SYNJ1: variants seen among roughly 807,000 people sequenced by gnomAD.
SYNJ1 encodes the protein polyphosphatidylinositol phosphatase SYNJ1.
A neutral mutation model predicts 168.2 loss-of-function variants in SYNJ1; 78 were observed. The observed-to-expected ratio is 0.46, with a 90% CI of 0.39 to 0.56. The LOEUF (loss-of-function observed/expected upper bound fraction) is 0.56, where lower values mean the gene tolerates loss of function less well. SYNJ1 is among the 20% of genes least tolerant of loss of function. The probability of loss-of-function intolerance (pLI) is 0.00; values close to 1 mark genes in which losing one functional copy is unlikely to be tolerated. For missense variants in SYNJ1, 1,303 were observed against 1,597.6 expected, an observed-to-expected ratio of 0.82 and a Z score of 3.14; for synonymous variants, 539 against 548.6, an observed-to-expected ratio of 0.98 and a Z score of 0.24.
At chr21:32,724,152 A>G (rs1318526129) in intron 2 of SYNJ1, among the ~76,000 whole-genome samples, 3 of 152,166 alleles carry the variant, frequency 2.0e-5, no homozygotes, top group Non-Finnish European at 4.4e-5. Context: ...GTACAAACTT[A>G]ATCTTGGTGA....
At chr21:32,714,681 G>A (rs1369294689) in intron 2 of SYNJ1, among the ~76,000 whole-genome samples, 1 of 152,182 alleles carries the variant, frequency 6.6e-6, no homozygotes, top group Admixed American at 6.5e-5. Flanking sequence ...AGGATATGCA[G>A]TGGTTGGTAA....
intron 11 of SYNJ1, 103 bp downstream of exon 11, chr21:32,681,393 T>A: frequency 7.6e-7 from 1 of 1,307,454 alleles, no homozygotes. Context: ...AAGACACATC[T>A]ATTAATTTAA....
rs2042332585 is a variant in SYNJ1, at chr21:32,699,748, C to G, written c.479+90G>C. On this transcript the variant is annotated intron_variant, in intron 4 of 32. Transcript: ENST00000674351. Reference sequence around the variant, plus strand: ...GGGTCTTCAGGGTTCTTCCTCCTTTCTTGCTGTCACGGTGAGGAGGTTTTT... The same window carrying G: ...GGGTCTTCAGGGTTCTTCCTCCTTTGTTGCTGTCACGGTGAGGAGGTTTTT... 2.6e-5 allele frequency: 39 copies of G among 1,484,472 alleles called. 1 individual carries two copies. In the South Asian group the frequency reaches 5.0e-4, roughly 19 times the overall value. 92.0% of individuals were successfully genotyped at this position (1,484,472 alleles called of 1,614,324 possible). A position where few individuals can be genotyped will look rare whatever the true frequency, so the allele number is the denominator to read the frequency against.
chr21:32,629,804 G>A lies in SYNJ1; in HGVS notation c.*2001C>T, dbSNP rs565303607. The stretch of plus-strand genomic sequence containing the variant: ...GTACTTCTTCAAAAAATTAATAAAA[G>A]CGGGATCAGTTGCATATTGGCAGTG... On this transcript the variant is annotated 3_prime_UTR_variant, in exon 33 of 33. Transcript: ENST00000674351. 2.6e-5 allele frequency: 4 copies of A among 152,574 alleles called. No homozygotes were observed. Among genetic ancestry groups the A allele is most frequent in the Admixed American group, 2.6e-4 (4 of 15,294 alleles). 9.5% of individuals were successfully genotyped at this position (152,574 alleles called of 1,614,324 possible). A position where few individuals can be genotyped will look rare whatever the true frequency, so the allele number is the denominator to read the frequency against.
At chr21:32,728,099 G>C, upstream of SYNJ1, 2 of 1,500,924 alleles carry the variant, frequency 1.3e-6, no homozygotes, top group Non-Finnish European at 1.8e-6. Flanking sequence ...GGGGCATCAG[G>C]AGGGAGACCA....
At chr21:32,687,275 G>C (rs928099940) in intron 7 of SYNJ1, among the ~76,000 whole-genome samples, 11 of 152,184 alleles carry the variant, frequency 7.2e-5, no homozygotes, top group African/African-American at 2.2e-4. Flanking sequence ...TGACTTATGG[G>C]TACTGAGACT....
intron 23 of SYNJ1, among the ~76,000 whole-genome samples, chr21:32,649,520 C>T (rs928230407): frequency 2.6e-5 from 4 of 152,128 alleles, no homozygotes; most frequent in African/African-American, 9.7e-5. Context: ...AAATTTTCGG[C>T]GTAATTACTT....
chr21:32,685,939 T>G, intron 8 of SYNJ1, 22 bp from the exon 9 acceptor site: 1 of 1,597,722 alleles, frequency 6.3e-7, no homozygotes, highest in Non-Finnish European at 8.5e-7. Flanking sequence ...AAGGCAAATA[T>G]TCATCTAAAT....
intron 27 of SYNJ1, among the ~76,000 whole-genome samples, chr21:32,642,496 T>TA (rs2039886056): frequency 6.6e-6 from 1 of 152,168 alleles, no homozygotes; most frequent in Non-Finnish European, 1.5e-5. Flanking sequence ...TGCTGCCCCT[T>TA]AGAGTCTGGC....
chr21:32,636,163 G>A (rs1384970783), intron 31 of SYNJ1, among the ~76,000 whole-genome samples: 1 of 152,116 alleles, frequency 6.6e-6, no homozygotes, highest in Non-Finnish European at 1.5e-5. Context: ...GGTCTAGAAT[G>A]CTGTGATTTT....
chr21:32,634,837 T>G, intron 32 of SYNJ1, 24 bp downstream of exon 32: 2 of 1,612,954 alleles, frequency 1.2e-6, no homozygotes, highest in Non-Finnish European at 1.7e-6. Flanking sequence ...AAAACACATG[T>G]AAGATTGATA....
chr21:32,713,850 A>G (rs1286989067), intron 2 of SYNJ1, among the ~76,000 whole-genome samples: 2 of 152,290 alleles, frequency 1.3e-5, no homozygotes, highest in Non-Finnish European at 2.9e-5. Flanking sequence ...GACTCCATTT[A>G]TGTTAAGCTG....
chr21:32,695,208 C>A lies in SYNJ1; in HGVS notation c.554G>T (p.Gly185Val). 6.2e-7 allele frequency: 1 copy of A among 1,614,104 alleles called. No homozygotes were observed. Among genetic ancestry groups the A allele is most frequent in the South Asian group, 1.1e-5 (1 of 91,070 alleles). ...ATAAATTGTTCTGATTTCTACTCCT[C>A]CACACATAAGACGTAATAACCAGTC... ...CDDWLLRLMC[G>V]GVEIRTIYAA... is the part of the protein sequence containing the mutation. Residue 185 changes from glycine (G) to valine (V), a missense_variant, in exon 5 of 33, where the codon GGA becomes GTA. By Grantham distance (109) the Gly-to-Val change is moderately radical. Coordinates refer to ENST00000674351, the MANE Select transcript of SYNJ1 (RefSeq NM_203446.3).
chr21:32,630,926 T>C lies in SYNJ1; in HGVS notation c.*879A>G, dbSNP rs980248469. 7.0e-7 allele frequency: 1 copy of C among 1,434,258 alleles called. No individual in the cohort carries two copies. Among genetic ancestry groups the C allele is most frequent in the Non-Finnish European group, 9.4e-7 (1 of 1,061,678 alleles). The allele number at this position is 1,434,258 out of a possible 1,614,324, so 88.8% of individuals were successfully genotyped here. A position where few individuals can be genotyped will look rare whatever the true frequency, so the allele number is the denominator to read the frequency against. On this transcript the variant is annotated 3_prime_UTR_variant, in exon 33 of 33. Transcript: ENST00000674351. ...CAATGACTTATTGCACATAATGAAA[T>C]ACTAATGCCCAATTCTCTTAGCTCT...
At chr21:32,667,160 T>C (rs1028229115) in intron 15 of SYNJ1, among the ~76,000 whole-genome samples, 1 of 149,644 alleles carries the variant, frequency 6.7e-6, no homozygotes. Flanking sequence ...TTTTAAAAAA[T>C]ATTTAATATT....
chr21:32,648,019 C>G (rs559017029), intron 23 of SYNJ1, among the ~76,000 whole-genome samples: 1 of 152,284 alleles, frequency 6.6e-6, no homozygotes, highest in African/African-American at 2.4e-5. Flanking sequence ...AAGATGGGAA[C>G]CCCTACTTCA....
At chr21:32,687,125 T>A in intron 7 of SYNJ1, 51 bp from the exon 8 acceptor site, 1 of 954,706 alleles carries the variant, frequency 1.0e-6, no homozygotes, top group East Asian at 2.9e-5. Flanking sequence ...AAGCCCAATT[T>A]TTTCAATAAA....
chr21:32,722,189 GAAA>G (rs869294126), intron 2 of SYNJ1, among the ~76,000 whole-genome samples: 6,246 of 112,238 alleles, frequency 0.056, 133 homozygotes, highest in South Asian at 0.11. Context: ...CCATCTCAAA[GAAA>G]AAAAAAAAAA....
Position 32,700,023 on chromosome 21 carries a change from A to T in SYNJ1, c.294T>A (p.Val98=). 1.2e-6 allele frequency: 2 copies of T among 1,614,230 alleles called. 1 individual carries two copies. Among genetic ancestry groups the T allele is most frequent in the South Asian group, 2.2e-5 (2 of 91,088 alleles). Residue 98 remains valine, a synonymous_variant, in exon 4 of 33, where the codon GTT becomes GTA. Transcript: ENST00000674351. ...GCAGTGATATAAACTCAGTGGAAGTAACTCGGAAAACTTCAGATTCTTGAA... is the reference window on the plus strand; with the variant it reads ...GCAGTGATATAAACTCAGTGGAAGTTACTCGGAAAACTTCAGATTCTTGAA... ...GKIQESEVFR[V]TSTEFISLRI...
Sources: gnomAD v4.1 joint callset for allele counts (sites outside exome capture counted in the v4.1 genomes callset) on GRCh38, gnomAD v4.1.1 for gene constraint, MANE v1.5 for transcripts, NCBI Gene and HGNC (gene_info 2026-07-23, HGNC 2026-07-21) for gene names.